The following SVEP1 variants were observed in gnomAD, a reference collection of about 807,000 sequenced individuals.
SVEP1 encodes the protein sushi, von Willebrand factor type A, EGF and pentraxin domain-containing protein 1.
SVEP1 carries 164 observed loss-of-function variants against 367.3 expected under a neutral mutation model. The observed-to-expected ratio is 0.45, with a 90% confidence interval of 0.39 to 0.51. SVEP1 has a LOEUF of 0.51. SVEP1 is among the 20% of genes least tolerant of loss of function. SVEP1 has a pLI of 0.00. For missense variants in SVEP1, 4,117 were observed against 4,425.3 expected (o/e 0.93, Z 1.98); for synonymous variants, 1,666 against 1,611.6 (o/e 1.03, Z -0.81).
At chr9:110,572,764 A>AGT (rs200566539) in intron 1 of SVEP1, among the ~76,000 whole-genome samples, 20,844 of 125,800 alleles carry the variant, frequency 0.17, 2,130 homozygotes, top group East Asian at 0.45. Flanking sequence ...CCTGGGTGAC[A>AGT]GAGGGTGACC....
In SVEP1 at chr9:110,366,508, CT is replaced by C; in HGVS notation, c.*30del. The C allele has an allele frequency of 1.3e-6, 2 of 1,544,268 alleles. No homozygotes were observed. The highest frequency in any genetic ancestry group is 1.4e-5 in the African/African-American group (1 of 71,662). Reference sequence around the variant, plus strand: ...GCACTACCGAGGAGAGATGATCCTGCTTTTGGGAGAGCCAGATGGTCGTGCA... The same window carrying C: ...GCACTACCGAGGAGAGATGATCCTGCTTTGGGAGAGCCAGATGGTCGTGCA... On this transcript the variant is annotated 3_prime_UTR_variant, in exon 48 of 48. Coordinates refer to ENST00000374469, the MANE Select transcript of SVEP1 (RefSeq NM_153366.4).
chr9:110,380,737 A>G (rs544016940), intron 43 of SVEP1, among the ~76,000 whole-genome samples: 63 of 152,210 alleles, frequency 4.1e-4, no homozygotes, highest in African/African-American at 1.4e-3. Context: ...CTCCTTTTCA[A>G]TTGTTTGGAA....
chr9:110,563,660 C>G (rs1164374014), intron 1 of SVEP1, among the ~76,000 whole-genome samples: 1 of 152,068 alleles, frequency 6.6e-6, no homozygotes, highest in Non-Finnish European at 1.5e-5. Flanking sequence ...ATATTTTTTT[C>G]TAACCCGAAA....
chr9:110,528,154 G>GTATATATA (rs1265572366), intron 3 of SVEP1, among the ~76,000 whole-genome samples: 276 of 25,632 alleles, frequency 0.011, no homozygotes, highest in South Asian at 0.016. Context: ...GTGTGTGTGT[G>GTATATATA]TGTATATATA....
intron 1 of SVEP1, among the ~76,000 whole-genome samples, chr9:110,568,014 G>C (rs1488955492): frequency 6.6e-6 from 1 of 152,196 alleles, no homozygotes. Flanking sequence ...TCTAAGGCCT[G>C]AATTCTACAC....
At position 110,385,920 on chromosome 9, in the gene SVEP1, T is replaced by C. The variant is rs1325649239; in HGVS notation, c.10215A>G (p.Thr3405=). Residue 3405 remains threonine (T), a synonymous_variant, in exon 43 of 48, where the codon ACA becomes ACG. Transcript: ENST00000374469. ...TACTTTCACATTTGGCGCTTGTCTG[T>C]GTCCACGTCTCGTCGGGGTTGCAGG... ...IITCNPDETW[T]QTSAKCEKIS... is the part of the protein sequence containing the mutation. 6.2e-7 allele frequency: 1 copy of C among 1,613,548 alleles called. No individual in the cohort carries two copies. The highest frequency in any genetic ancestry group is 1.7e-5 in the Admixed American group (1 of 59,902).
chr9:110,375,503 G>C (rs185625446), intron 45 of SVEP1, 40 bp from the exon 46 acceptor site: 2 of 1,489,058 alleles, frequency 1.3e-6, no homozygotes, highest in South Asian at 1.3e-5. Context: ...AGGCAGGGGG[G>C]ATTGAAATGG....
At chr9:110,446,866 G>A in intron 25 of SVEP1, 34 bp downstream of exon 25, 1 of 1,459,774 alleles carries the variant, frequency 6.9e-7, no homozygotes. Flanking sequence ...ACTATTGTTA[G>A]TATTGTTATT....
At chr9:110,532,099 C>T (rs1389934230) in intron 3 of SVEP1, among the ~76,000 whole-genome samples, 1 of 152,122 alleles carries the variant, frequency 6.6e-6, no homozygotes, top group Non-Finnish European at 1.5e-5. Flanking sequence ...AGTATCTAAA[C>T]ATGCATCTCA....
At chr9:110,544,689 A>T (rs995883930) in intron 3 of SVEP1, among the ~76,000 whole-genome samples, 2 of 152,194 alleles carry the variant, frequency 1.3e-5, no homozygotes, top group South Asian at 2.1e-4. Flanking sequence ...AAGATATTTT[A>T]AAAACATGTA....
Position 110,408,010 on chromosome 9 carries a change from G to A in SVEP1, c.7590C>T (p.Leu2530=), listed in dbSNP as rs369617735. 31 of 1,613,874 alleles carry A rather than the reference G, an allele frequency of 1.9e-5. No homozygotes were observed. The highest frequency in any genetic ancestry group is 2.4e-5 in the Non-Finnish European group (28 of 1,179,888). The change falls in exon 38 of 48, where the codon CTC becomes CTT. Residue 2530 remains leucine, a synonymous_variant. Transcript: ENST00000374469. ...VTYSCNRGFR[L]EGPSALTCLE... ...AACAGGTCAAGGCACTGGGACCTTCGAGCCGAAAGCCTCGGTTGCAAGAGT... is the reference window on the plus strand; with the variant it reads ...AACAGGTCAAGGCACTGGGACCTTCAAGCCGAAAGCCTCGGTTGCAAGAGT...
rs754846748 is a variant in SVEP1, at chr9:110,404,446, G to C, written c.9547C>G (p.Leu3183Val). 2 of 1,613,886 alleles carry C rather than the reference G, an allele frequency of 1.2e-6. No individual in the cohort carries two copies. The highest frequency in any genetic ancestry group is 1.3e-5 in the African/African-American group (1 of 74,928). ...AGTATATGTGTTATGTTTTCCGGGA[G>C]AGGACATTTTTTAGGACTGCAGGAG... ...RISCSPKKCP[L>V]PENITHILVH... Residue 3183 changes from leucine (L) to valine (V), a missense_variant, in exon 39 of 48, where the codon CTC becomes GTC. By Grantham distance (32) the Leu-to-Val change is conservative. Transcript: ENST00000374469.
chr9:110,482,330 C>T (rs1247780488), intron 11 of SVEP1, 31 bp downstream of exon 11: 1 of 1,601,172 alleles, frequency 6.2e-7, no homozygotes. Flanking sequence ...CAAATGTCAA[C>T]TAGAATTCTG....
intron 20 of SVEP1, among the ~76,000 whole-genome samples, chr9:110,457,690 C>T (rs1254121308): frequency 6.6e-6 from 1 of 152,192 alleles, no homozygotes; most frequent in African/African-American, 2.4e-5. Context: ...GAAGTCTGTA[C>T]ATTACTGTCT....
intron 3 of SVEP1, among the ~76,000 whole-genome samples, chr9:110,528,156 G>GTGTGTGCATATATATATATA: frequency 2.1e-4 from 7 of 33,940 alleles, no homozygotes; most frequent in Non-Finnish European, 2.8e-4. Flanking sequence ...GTGTGTGTGT[G>GTGTGTGCATATATATATATA]TATATATATA....
chr9:110,457,083 T>C (rs1175435435), intron 21 of SVEP1, among the ~76,000 whole-genome samples, 173 bp downstream of exon 21: 1 of 152,172 alleles, frequency 6.6e-6, no homozygotes, highest in Non-Finnish European at 1.5e-5. Context: ...CTGTCATTTG[T>C]GAAGTATGTA....
chr9:110,570,427 C>T (rs58706443), intron 1 of SVEP1, among the ~76,000 whole-genome samples: 16,213 of 151,410 alleles, frequency 0.11, 1,073 homozygotes, highest in East Asian at 0.33. Flanking sequence ...TATTTAGAAG[C>T]TTCTGACTTC....
At chr9:110,476,949 A>C (rs1186847780) in intron 13 of SVEP1, among the ~76,000 whole-genome samples, 1 of 151,824 alleles carries the variant, frequency 6.6e-6, no homozygotes, top group Non-Finnish European at 1.5e-5. Context: ...CCACTCACTG[A>C]CCCTTCTGGT....
chr9:110,530,884 T>C (rs1433275408), intron 3 of SVEP1, among the ~76,000 whole-genome samples: 1 of 152,160 alleles, frequency 6.6e-6, no homozygotes, highest in Non-Finnish European at 1.5e-5. Flanking sequence ...TTTTACAGCT[T>C]CTCATGATGG....
Sources: allele counts gnomAD v4.1 joint callset (sites outside exome capture counted in the v4.1 genomes callset), GRCh38; gene constraint gnomAD v4.1.1; transcripts MANE v1.5; gene names NCBI Gene and HGNC (gene_info 2026-07-23, HGNC 2026-07-21).